ESRRG: variants seen among roughly 807,000 people sequenced by gnomAD.
ESRRG encodes the protein estrogen-related receptor gamma.
ESRRG carries 13 observed loss-of-function variants against 44.0 expected under a neutral mutation model. The observed-to-expected ratio is 0.30, with a 90% CI of 0.19 to 0.47. The LOEUF is 0.47. Among genes scored for constraint, ESRRG ranks in the 20% least tolerant of loss-of-function variants. ESRRG has a pLI of 1.00. For missense variants in ESRRG, 395 were observed against 580.6 expected (o/e 0.68, Z 3.29); for synonymous variants, 215 against 214.6 (o/e 1.00, Z -0.02).
Position 216,677,470 on chromosome 1 carries a change from G to C in ESRRG, c.78C>G (p.Asn26Lys). 6.2e-7 allele frequency: 1 copy of C among 1,610,534 alleles called. No individual in the cohort carries two copies. The highest frequency in any genetic ancestry group is 2.2e-5 in the East Asian group (1 of 44,802). ...AGCTGGAATCAATGTGTCGATCTTT[G>C]TTTGACATTCTGCAGAGAAGCCTGA... Reference protein sequence around the residue: ...YEEELLCRMSNKDRHIDSSCS... With the variant: ...YEEELLCRMSKKDRHIDSSCS... The change falls in exon 2 of 7, where the codon AAC (asparagine) becomes AAG (lysine). Residue 26 changes from asparagine (N) to lysine (K), a missense_variant. Physicochemically the swap from Asn to Lys is moderately conservative, Grantham distance 94. Transcript: ENST00000408911.
intron 1 of ESRRG, among the ~76,000 whole-genome samples, chr1:216,943,605 C>T (rs2065604758): frequency 6.6e-6 from 1 of 152,158 alleles, no homozygotes; most frequent in Non-Finnish European, 1.5e-5. Context: ...TGAGGGTTTA[C>T]CTGTAATCTA....
At chr1:216,866,348 A>T (rs2096157968) in intron 2 of ESRRG, among the ~76,000 whole-genome samples, 1 of 152,184 alleles carries the variant, frequency 6.6e-6, no homozygotes, top group African/African-American at 2.4e-5. Flanking sequence ...CAATACAATG[A>T]CATTTTAAGG....
chr1:216,858,007 C>G (rs753182698), intron 2 of ESRRG, among the ~76,000 whole-genome samples: 2 of 152,130 alleles, frequency 1.3e-5, no homozygotes, highest in Admixed American at 6.6e-5. Flanking sequence ...AATCTTGTAA[C>G]CTCTCTGAGC....
At chr1:216,886,573 G>C in intron 2 of ESRRG, among the ~76,000 whole-genome samples, 1 of 152,238 alleles carries the variant, frequency 6.6e-6, no homozygotes, top group East Asian at 1.9e-4. Context: ...GCCTTGAAAA[G>C]CTTCCTCATC....
chr1:216,753,196 A>ACACAC (rs71163764), intron 2 of ESRRG, among the ~76,000 whole-genome samples: 5 of 152,028 alleles, frequency 3.3e-5, no homozygotes, highest in African/African-American at 4.8e-5. Context: ...ACACACACAC[A>ACACAC]GAGTAGTACC....
intron 3 of ESRRG, among the ~76,000 whole-genome samples, chr1:216,638,299 G>A (rs571907102): frequency 6.6e-6 from 1 of 152,092 alleles, no homozygotes; most frequent in East Asian, 1.9e-4. Context: ...CATAGGTAAG[G>A]CTTAAAAAGG....
intron 3 of ESRRG, among the ~76,000 whole-genome samples, chr1:216,637,326 G>C (rs140298675): frequency 6.6e-6 from 1 of 152,230 alleles, no homozygotes; most frequent in African/African-American, 2.4e-5. Context: ...CCTGCAAAGA[G>C]CAATATTTAC....
At chr1:216,643,601 A>T (rs1210441626) in intron 3 of ESRRG, among the ~76,000 whole-genome samples, 2 of 152,004 alleles carry the variant, frequency 1.3e-5, no homozygotes, top group African/African-American at 4.8e-5. Context: ...GACCTTCATG[A>T]CTCCTGATGT....
chr1:217,053,052 C>A (rs192850644), intron 1 of ESRRG, among the ~76,000 whole-genome samples: 1 of 150,966 alleles, frequency 6.6e-6, no homozygotes, highest in East Asian at 2.0e-4. Flanking sequence ...ACCTGTAATC[C>A]CAGCTGGGAG....
intron 2 of ESRRG, among the ~76,000 whole-genome samples, chr1:216,762,632 C>G (rs1476287365): frequency 6.6e-6 from 1 of 151,582 alleles, no homozygotes; most frequent in Non-Finnish European, 1.5e-5. Flanking sequence ...GTGCAGCACA[C>G]CAGTATGGCA....
chr1:216,523,495 T>G lies in ESRRG; in HGVS notation c.863-4074A>C, dbSNP rs1340394311. 4.2e-5 allele frequency among the ~76,000 whole-genome samples: 5 copies of G among 119,332 alleles called. No homozygotes were observed. In the South Asian group the frequency reaches 1.2e-3, roughly 28 times the overall value. The allele number at this position is 119,332 out of a possible 152,430, so 78.3% of individuals were successfully genotyped here. On this transcript the variant is annotated intron_variant, in intron 5 of 6. Coordinates refer to ENST00000408911, the MANE Select transcript of ESRRG (RefSeq NM_001438.4). ...ATGGGCACTCATCAAGCACTGTTTT[T>G]TTTTTTGTTTTTTTTTTTTTTTAGC...
intron 2 of ESRRG, among the ~76,000 whole-genome samples, chr1:216,778,741 T>C (rs1291709061): frequency 6.6e-6 from 1 of 151,974 alleles, no homozygotes; most frequent in Non-Finnish European, 1.5e-5. Context: ...TAAGCCTTCC[T>C]CTACTTTTGA....
intron 2 of ESRRG, among the ~76,000 whole-genome samples, chr1:216,898,141 T>C (rs924350566): frequency 6.6e-6 from 1 of 152,192 alleles, no homozygotes; most frequent in African/African-American, 2.4e-5. Context: ...TGATTTTAGA[T>C]TTTTAGTCAA....
intron 1 of ESRRG, among the ~76,000 whole-genome samples, chr1:216,694,163 C>G (rs556973250): frequency 9.2e-5 from 14 of 152,192 alleles, no homozygotes; most frequent in Non-Finnish European, 1.5e-4. Context: ...GACTTGGTTG[C>G]TAAAGCTGTT....
chr1:216,900,673 C>T (rs1220695681), intron 2 of ESRRG, among the ~76,000 whole-genome samples: 6 of 152,150 alleles, frequency 3.9e-5, no homozygotes, highest in Non-Finnish European at 5.9e-5. Flanking sequence ...AGGACCTTGA[C>T]ACTTTAAGGA....
intron 3 of ESRRG, among the ~76,000 whole-genome samples, chr1:216,617,182 T>C (rs1532501): frequency 0.37 from 55,530 of 152,026 alleles, 11,956 homozygotes; most frequent in Middle Eastern, 0.5. Flanking sequence ...AACTCACATA[T>C]TCCCATTTAA....
At chr1:216,537,288 G>C (rs983269461) in intron 5 of ESRRG, among the ~76,000 whole-genome samples, 2 of 151,860 alleles carry the variant, frequency 1.3e-5, no homozygotes, top group Admixed American at 1.3e-4. Context: ...AACAGAAAGG[G>C]GACCCTCACC....
chr1:216,882,341 T>G (rs1559973066), intron 2 of ESRRG, among the ~76,000 whole-genome samples: 1 of 152,136 alleles, frequency 6.6e-6, no homozygotes, highest in East Asian at 1.9e-4. Context: ...CTGAACAAGG[T>G]GTAAATTCCT....
At chr1:216,798,671 G>T (rs1050245510) in intron 2 of ESRRG, among the ~76,000 whole-genome samples, 1 of 152,150 alleles carries the variant, frequency 6.6e-6, no homozygotes, top group South Asian at 2.1e-4. Context: ...TCCAGATTGA[G>T]GTGATTGTAG....
Sources: gnomAD v4.1 joint callset for allele counts (sites outside exome capture counted in the v4.1 genomes callset) on GRCh38, gnomAD v4.1.1 for gene constraint, MANE v1.5 for transcripts, NCBI Gene and HGNC (gene_info 2026-07-23, HGNC 2026-07-21) for gene names.